LAMA3: variants seen among roughly 807,000 people sequenced by gnomAD.
LAMA3 encodes the protein laminin subunit alpha 3.
LAMA3 carries 281 observed loss-of-function variants against 402.0 expected under a neutral mutation model. That is an observed-to-expected ratio of 0.70 (90% confidence interval 0.63 to 0.77). The LOEUF (loss-of-function observed/expected upper bound fraction) is 0.77, where lower values mean the gene tolerates loss of function less well. Ranked by LOEUF, LAMA3 falls within the 30% of genes least tolerant of loss-of-function variation. The pLI is 0.00. For missense variants in LAMA3, 3,840 were observed against 4,215.5 expected, an observed-to-expected ratio of 0.91 and a Z score of 2.47; for synonymous variants, 1,431 against 1,558.4, an observed-to-expected ratio of 0.92 and a Z score of 1.93.
chr18:23,930,565 T>G (rs149275728), intron 64 of LAMA3, among the ~76,000 whole-genome samples: 6 of 152,112 alleles, frequency 3.9e-5, no homozygotes, highest in Non-Finnish European at 8.8e-5. Context: ...CTAGGGAACA[T>G]AGTGAGATCC....
chr18:23,908,037 T>C (rs1280598329), intron 54 of LAMA3, 102 bp downstream of exon 54: 3 of 1,166,014 alleles, frequency 2.6e-6, no homozygotes, highest in East Asian at 4.7e-5. Context: ...TCTCAGAAAC[T>C]AAAACATTAG....
rs766873528 is a variant in LAMA3, at chr18:23,901,268, C to T, written c.6146C>T (p.Ala2049Val). The T allele has an allele frequency of 1.3e-5, 21 of 1,614,060 alleles. No individual in the cohort carries two copies. The East Asian group carries it at 2.4e-4, about 19-fold the overall frequency. ...RARLQEAAAQ[A>V]KQANGLNQEN... ...CGGCTGCAGGAGGCAGCTGCCCAAG[C>T]CAAGCAGGCAAATGGCTTGAACCAA... Residue 2049 changes from alanine (A) to valine (V), a missense_variant, in exon 48 of 75, where the codon GCC (alanine) becomes GTC (valine). This residue lies in a region of LAMA3 where 891 missense variants were observed against 857.5 expected (regional missense o/e 1.04). Transcript: ENST00000313654.
chr18:23,770,697 G>T (rs2062179231), intron 8 of LAMA3, among the ~76,000 whole-genome samples: 1 of 152,126 alleles, frequency 6.6e-6, no homozygotes, highest in Non-Finnish European at 1.5e-5. Context: ...GGAGGCAGAG[G>T]TTGCAGTGAG....
intron 67 of LAMA3, among the ~76,000 whole-genome samples, chr18:23,934,796 G>A (rs1376399321): frequency 2.0e-5 from 3 of 152,218 alleles, no homozygotes; most frequent in Admixed American, 1.3e-4. Context: ...CTAGGAGCCC[G>A]TGGCCTCTTG....
chr18:23,954,705 C>T lies in LAMA3; in HGVS notation c.*57C>T, dbSNP rs1249719619. The T allele has an allele frequency of 5.2e-6, 8 of 1,531,588 alleles. No homozygotes were observed. Among genetic ancestry groups the T allele is most frequent in the South Asian group, 1.1e-5 (1 of 89,482 alleles). The allele number at this position is 1,531,588 out of a possible 1,614,324, so 94.9% of individuals were successfully genotyped here. On this transcript the variant is annotated 3_prime_UTR_variant, in exon 75 of 75. Coordinates refer to ENST00000313654, the MANE Select transcript of LAMA3 (RefSeq NM_198129.4). ...CTTCAAAAGCACTGATTACCCAATG[C>T]ACCTCCCTCCCCAGCTCGAGATCAT...
intron 39 of LAMA3, among the ~76,000 whole-genome samples, chr18:23,880,158 G>A (rs528908883): frequency 6.6e-6 from 1 of 152,330 alleles, no homozygotes; most frequent in South Asian, 2.1e-4. Context: ...GGACTCCTCT[G>A]TGGAGCTAAT....
intron 60 of LAMA3, among the ~76,000 whole-genome samples, chr18:23,919,814 G>T (rs181774034): frequency 2.0e-5 from 3 of 151,700 alleles, no homozygotes; most frequent in African/African-American, 7.3e-5. Context: ...CAGCCGAGGA[G>T]AGTCACAGGC....
chr18:23,781,902 A>T (rs1022565931), intron 11 of LAMA3, among the ~76,000 whole-genome samples: 1 of 152,192 alleles, frequency 6.6e-6, no homozygotes, highest in Non-Finnish European at 1.5e-5. Flanking sequence ...TTCACTTCCA[A>T]TGCTGTTTTT....
At chr18:23,784,604 G>C (rs2062504105) in intron 12 of LAMA3, among the ~76,000 whole-genome samples, 4 of 152,132 alleles carry the variant, frequency 2.6e-5, no homozygotes, top group Admixed American at 2.0e-4. Context: ...GCAAACCATA[G>C]AGACATGAGA....
At chr18:23,821,139 A>G (rs1017245602) in intron 19 of LAMA3, among the ~76,000 whole-genome samples, 5 of 152,226 alleles carry the variant, frequency 3.3e-5, no homozygotes, top group African/African-American at 4.8e-5. Flanking sequence ...TTCACACAAT[A>G]GCTGGTGGAC....
In LAMA3 at chr18:23,750,964, CT is replaced by C. The variant is rs1555684238; in HGVS notation, c.734del (p.Phe245SerfsTer5). On this transcript the variant is annotated frameshift_variant, in exon 5 of 75. Coordinates refer to ENST00000313654, the MANE Select transcript of LAMA3 (RefSeq NM_198129.4). LOFTEE classifies it high-confidence loss of function. ...GGTCGTCCAGGTGCAAAAAATTTTA[CT>C]TTCTCTCACACCCTGAGGGAGTTTA... The part of the protein sequence containing the change: ...INGRPGAKNF[T>X]FSHTLREFTK... 6.2e-7 allele frequency: 1 copy of C among 1,614,094 alleles called. No homozygotes were observed. The highest frequency in any genetic ancestry group is 8.5e-7 in the Non-Finnish European group (1 of 1,179,992).
chr18:23,717,476 G>A (rs1437909796), intron 2 of LAMA3, among the ~76,000 whole-genome samples: 2 of 140,292 alleles, frequency 1.4e-5, no homozygotes, highest in Non-Finnish European at 3.1e-5. Context: ...ACTAGTTGGT[G>A]TTTTTCATTG....
Position 23,894,281 on chromosome 18 carries a change from T to C in LAMA3, c.5411-17T>C, listed in dbSNP as rs1488388095. On this transcript the variant is annotated splice_polypyrimidine_tract_variant and intron_variant, in intron 42 of 74. Transcript: ENST00000313654. ...AGTTTAATAACTATGTCTTCTTTGG[T>C]TATTTTCTGATTTTAGACTGCATAA... 1.9e-6 allele frequency: 3 copies of C among 1,600,430 alleles called. No homozygotes were observed. In the South Asian group the frequency reaches 3.3e-5, roughly 18 times the overall value.
intron 23 of LAMA3, among the ~76,000 whole-genome samples, chr18:23,828,956 T>G (rs2144483341): frequency 6.6e-6 from 1 of 152,342 alleles, no homozygotes; most frequent in East Asian, 1.9e-4. Context: ...CCTAAAGGCC[T>G]TGGAGCCAGG....
At chr18:23,804,463 C>T (rs1475570839) in intron 12 of LAMA3, among the ~76,000 whole-genome samples, 1 of 152,168 alleles carries the variant, frequency 6.6e-6, no homozygotes, top group Non-Finnish European at 1.5e-5. Flanking sequence ...TCCTGACACC[C>T]AAATGTCTTA....
chr18:23,900,070 C>CGT (rs35969367), intron 47 of LAMA3, among the ~76,000 whole-genome samples: 54,265 of 150,240 alleles, frequency 0.36, 10,153 homozygotes, highest in East Asian at 0.77. Context: ...TGTGTGTGTG[C>CGT]GTGTGTGTGT....
chr18:23,759,509 C>CCTCAGCCT (rs2061925945), intron 7 of LAMA3, among the ~76,000 whole-genome samples: 2 of 152,136 alleles, frequency 1.3e-5, no homozygotes, highest in African/African-American at 2.4e-5. Flanking sequence ...GGTTCTCCTG[C>CCTCAGCCT]CTCAGCCTCT....
Position 23,727,306 on chromosome 18 carries a change from T to TTTGA in LAMA3, c.447+13265_447+13268dup, listed in dbSNP as rs71163638. Among the ~76,000 whole-genome samples the TTTGA allele has an allele frequency of 2.2e-3, 332 of 148,950 alleles. 1 individual carries two copies. In the East Asian group the frequency reaches 0.023, roughly 10 times the overall value. On this transcript the variant is annotated intron_variant, in intron 2 of 74. Coordinates refer to ENST00000313654, the MANE Select transcript of LAMA3 (RefSeq NM_198129.4). ...TGCTGACTCTCAATTTCTGTCCTTG[T>TTTGA]TTGATTGATTGATTGATTGATTGAT...
chr18:23,921,020 T>C lies in LAMA3; in HGVS notation c.8009T>C (p.Val2670Ala). ...LNSELPKERG[V>A]GDAINNGRDH... is the part of the protein sequence containing the mutation. ...TCAGAGCTACCAAAAGAGAGAGGAG[T>C]TGGAGACGCCATAAACAACGGCAGA... Residue 2670 changes from valine to alanine, a missense_variant, in exon 61 of 75, where the codon GTT (valine) becomes GCT (alanine). Physicochemically the swap from Val to Ala is moderately conservative, Grantham distance 64 (BLOSUM62 0). This residue lies in a region of LAMA3 where 840 missense variants were observed against 981.9 expected (regional missense o/e 0.86). Coordinates refer to ENST00000313654, the MANE Select transcript of LAMA3 (RefSeq NM_198129.4). The C allele has an allele frequency of 6.2e-7, 1 of 1,613,914 alleles. No individual in the cohort carries two copies. Among genetic ancestry groups the C allele is most frequent in the Non-Finnish European group, 8.5e-7 (1 of 1,179,960 alleles).
Sources: gnomAD v4.1 joint callset for allele counts (sites outside exome capture counted in the v4.1 genomes callset) on GRCh38, gnomAD v4.1.1 for gene constraint, gnomAD v4.1.1 regional missense constraint, MANE v1.5 for transcripts, NCBI Gene and HGNC (gene_info 2026-07-23, HGNC 2026-07-21) for gene names.